CIMIP2C: variants seen among roughly 807,000 people sequenced by gnomAD.
CIMIP2C encodes the protein UPF0573 protein C2orf70.
the CIMIP2C span, among the ~76,000 whole-genome samples, chr2:26,567,372 C>T: frequency 6.6e-6 from 1 of 152,228 alleles, no homozygotes. Context: ...GCCATGAGAA[C>T]AAGGACATGT....
the CIMIP2C span, chr2:26,578,931 T>C: frequency 1.6e-4 from 76 of 479,996 alleles, no homozygotes; most frequent in Non-Finnish European, 3.2e-4. Flanking sequence ...TTAGAACATT[T>C]GTTGTGTGTT....
the CIMIP2C span, chr2:26,576,065 C>A: frequency 6.2e-7 from 1 of 1,614,262 alleles, no homozygotes; most frequent in Non-Finnish European, 8.5e-7. Context: ...CAACCCCAAC[C>A]TCCTGCTGAT....
the CIMIP2C span, among the ~76,000 whole-genome samples, chr2:26,567,822 G>A: frequency 6.6e-6 from 1 of 152,202 alleles, no homozygotes; most frequent in East Asian, 1.9e-4. Flanking sequence ...TGATGTCATT[G>A]GTTGGGCTGG....
the CIMIP2C span, chr2:26,579,196 G>C: frequency 6.9e-7 from 1 of 1,459,578 alleles, no homozygotes; most frequent in Non-Finnish European, 9.4e-7. Context: ...CGGCAGGTCA[G>C]CTTGAGCTGG....
At chr2:26,576,270 G>T in the CIMIP2C span, 3 of 1,378,072 alleles carry the variant, frequency 2.2e-6, no homozygotes, top group South Asian at 2.7e-5. Flanking sequence ...GGGAGACCTC[G>T]CACCTGCCAC....
chr2:26,579,002 G>A, the CIMIP2C span: 5 of 517,016 alleles, frequency 9.7e-6, no homozygotes, highest in African/African-American at 1.9e-5. Flanking sequence ...AAAGCTAAGA[G>A]GGGGATACCA....
the CIMIP2C span, chr2:26,579,370 C>T: frequency 6.2e-7 from 1 of 1,613,930 alleles, no homozygotes; most frequent in Admixed American, 1.7e-5. Context: ...CCAGACCTTC[C>T]CATCAGGGAA....
At chr2:26,575,837 C>T in the CIMIP2C span, 20 of 1,556,420 alleles carry the variant, frequency 1.3e-5, no homozygotes, top group African/African-American at 1.6e-4. Context: ...TTAAGGGCCT[C>T]TCTTGGAACA....
the CIMIP2C span, chr2:26,562,609 C>T: frequency 1.3e-6 from 2 of 1,575,784 alleles, no homozygotes; most frequent in Non-Finnish European, 1.7e-6. Flanking sequence ...CTCGCGCACC[C>T]ACCATGGCCT....
At chr2:26,578,764 G>A in the CIMIP2C span, 1 of 471,182 alleles carries the variant, frequency 2.1e-6, no homozygotes. Flanking sequence ...TCTCAACTCT[G>A]TTCCTTCTTC....
chr2:26,565,231 C>T, the CIMIP2C span, among the ~76,000 whole-genome samples: 1 of 152,116 alleles, frequency 6.6e-6, no homozygotes, highest in Non-Finnish European at 1.5e-5. Flanking sequence ...GCTGGGATTA[C>T]AGGCACGCGC....
At chr2:26,576,757 C>G in the CIMIP2C span, among the ~76,000 whole-genome samples, 1 of 152,202 alleles carries the variant, frequency 6.6e-6, no homozygotes, top group Non-Finnish European at 1.5e-5. Flanking sequence ...AGGAAGGGGA[C>G]CCACCCACAC....
At chr2:26,562,693 C>A in the CIMIP2C span, 115 of 1,563,458 alleles carry the variant, frequency 7.4e-5, no homozygotes, top group Non-Finnish European at 4.2e-5. Flanking sequence ...CCGGGTAAGG[C>A]CGAGGGAGCG....
the CIMIP2C span, among the ~76,000 whole-genome samples, chr2:26,567,926 A>G: frequency 5.5e-4 from 83 of 152,272 alleles, no homozygotes; most frequent in African/African-American, 1.9e-3. Context: ...GGCCCCTTGC[A>G]TTGCAGACCA....
the CIMIP2C span, among the ~76,000 whole-genome samples, chr2:26,565,861 C>T: frequency 1.2e-4 from 19 of 152,254 alleles, no homozygotes; most frequent in East Asian, 3.8e-4. Context: ...TCTTCAGCCT[C>T]GCCGGCCAGG....
the CIMIP2C span, among the ~76,000 whole-genome samples, chr2:26,575,566 C>T: frequency 2.0e-5 from 3 of 152,194 alleles, no homozygotes; most frequent in Admixed American, 2.0e-4. Context: ...AGGCCCAGAG[C>T]CCCTTGGACT....
At chr2:26,572,222 G>A in the CIMIP2C span, 1 of 1,412,762 alleles carries the variant, frequency 7.1e-7, no homozygotes, top group Non-Finnish European at 9.5e-7. Context: ...TACTTTGACA[G>A]GTTTTATAAC....
chr2:26,575,997 T>A, the CIMIP2C span: 1 of 1,614,042 alleles, frequency 6.2e-7, no homozygotes, highest in Non-Finnish European at 8.5e-7. Context: ...AACAGAGCCA[T>A]GGAGAAGAGC....
chr2:26,577,567 C>G, the CIMIP2C span: 3 of 1,614,138 alleles, frequency 1.9e-6, no homozygotes, highest in African/African-American at 2.7e-5. Context: ...CACAGTGCCT[C>G]GAGTCCCCTA....
Sources: gnomAD v4.1 joint callset for allele counts (sites outside exome capture counted in the v4.1 genomes callset) on GRCh38, gnomAD v4.1.1 for gene constraint, MANE v1.5 for transcripts, NCBI Gene and HGNC (gene_info 2026-07-23, HGNC 2026-07-21) for gene names.